Variants in TRIM37 observed in about 807,000 individuals in gnomAD.
The protein encoded by TRIM37 is E3 ubiquitin-protein ligase TRIM37.
In TRIM37, 80 loss-of-function variants were observed where a neutral mutation model predicts 129.8. The observed-to-expected ratio is 0.62, with a 90% CI of 0.51 to 0.74. The LOEUF is 0.74. TRIM37 is among the 30% of genes least tolerant of loss of function. The pLI, the probability that TRIM37 is intolerant of heterozygous loss-of-function variation, is 0.00. For synonymous variants in TRIM37, 389 were observed against 387.1 expected (o/e 1.00, Z -0.06); for missense variants, 1,054 against 1,176.5 (o/e 0.90, Z 1.52).
chr17:59,089,054 G>A (rs946253163), intron 3 of TRIM37, among the ~76,000 whole-genome samples: 1 of 152,078 alleles, frequency 6.6e-6, no homozygotes, highest in African/African-American at 2.4e-5. Flanking sequence ...TTGAGCCCAG[G>A]TGTTCGAGAC....
At chr17:59,087,763 G>A (rs1428929362) in intron 4 of TRIM37, among the ~76,000 whole-genome samples, 2 of 152,096 alleles carry the variant, frequency 1.3e-5, no homozygotes, top group Non-Finnish European at 2.9e-5. Context: ...CCTAATTCAA[G>A]TTATTTTATT....
chr17:59,079,900 T>G, intron 6 of TRIM37, 23 bp from the exon 7 acceptor site: 1 of 1,611,520 alleles, frequency 6.2e-7, no homozygotes, highest in South Asian at 1.1e-5. Flanking sequence ...GAGGTAAGAA[T>G]AATTTTAATT....
intron 2 of TRIM37, among the ~76,000 whole-genome samples, chr17:59,098,365 C>A (rs2045114055): frequency 6.6e-6 from 1 of 152,132 alleles, no homozygotes; most frequent in East Asian, 1.9e-4. Context: ...CTTAAAAATA[C>A]AGTTAAAATT....
At chr17:58,980,719 G>A, downstream of TRIM37, 1 of 1,614,168 alleles carries the variant, frequency 6.2e-7, no homozygotes, top group Non-Finnish European at 8.5e-7. This position sits in a 1 kb window ranked among gnomAD's most constrained non-coding sequence, Gnocchi z 4.7. Flanking sequence ...GTTCAGGGTT[G>A]GAAAATGAAC....
chr17:59,049,263 A>G lies in TRIM37; in HGVS notation c.1445T>C (p.Leu482Pro), dbSNP rs560939766. 6.2e-7 allele frequency: 1 copy of G among 1,614,166 alleles called. No individual in the cohort carries two copies. The highest frequency in any genetic ancestry group is 1.1e-5 in the South Asian group (1 of 91,086). Residue 482 changes from leucine (L) to proline (P), a missense_variant, in exon 15 of 24, where the codon CTC becomes CCC. Around this residue, in one of 3 missense-constraint regions of TRIM37, gnomAD observed 752 missense variants for 870.8 expected, o/e 0.86. Coordinates refer to ENST00000262294, the MANE Select transcript of TRIM37 (RefSeq NM_015294.6). ...AKKSACSDML[L>P]EGGPTTASVR... ...AGAAGCTGTAGTAGGACCACCTTCG[A>G]GAAGCATGTCAGAGCATGCAGACTT...
intron 21 of TRIM37, among the ~76,000 whole-genome samples, chr17:59,014,700 G>A (rs1750104167): frequency 6.7e-6 from 1 of 149,652 alleles, no homozygotes; most frequent in South Asian, 2.1e-4. Context: ...TCTTTGACAA[G>A]TGTAGGATAG....
chr17:58,980,426 C>T (rs779761727), downstream of TRIM37: 4 of 1,614,040 alleles, frequency 2.5e-6, no homozygotes, highest in Admixed American at 3.3e-5. The surrounding 1 kb of genome is among the most constrained non-coding windows in gnomAD (Gnocchi z 4.7). Context: ...TAGAACTAGC[C>T]TGAGCCCAGG....
the TRIM37 span, chr17:58,969,583 G>A: frequency 2.5e-6 from 4 of 1,614,014 alleles, no homozygotes; most frequent in Non-Finnish European, 3.4e-6. Flanking sequence ...ATGGCCATGG[G>A]GGAGTAGATG....
chr17:59,023,770 C>T (rs2036895882), intron 19 of TRIM37, among the ~76,000 whole-genome samples: 1 of 151,958 alleles, frequency 6.6e-6, no homozygotes, highest in East Asian at 1.9e-4. Flanking sequence ...TATAAAAATC[C>T]TACCACTGTT....
chr17:59,049,657 C>A (rs1246749439), intron 14 of TRIM37, among the ~76,000 whole-genome samples: 1 of 152,114 alleles, frequency 6.6e-6, no homozygotes, highest in African/African-American at 2.4e-5. Context: ...CCATGCTTGG[C>A]TAATTTCATT....
At chr17:59,032,616 T>G (rs2038013009) in intron 17 of TRIM37, among the ~76,000 whole-genome samples, 1 of 151,114 alleles carries the variant, frequency 6.6e-6, no homozygotes. Context: ...CATTAGTACT[T>G]AGAATTCAGA....
intron 18 of TRIM37, among the ~76,000 whole-genome samples, chr17:59,030,956 A>G (rs763422149): frequency 1.3e-5 from 2 of 152,246 alleles, no homozygotes; most frequent in African/African-American, 2.4e-5. Context: ...TATATAAAGC[A>G]TACTTGGCGC....
rs370881365 is a variant in TRIM37 at position 59,031,929 on chromosome 17, G to A, written c.1915C>T (p.Pro639Ser). The A allele has an allele frequency of 1.2e-6, 2 of 1,614,042 alleles. No individual in the cohort carries two copies. Among genetic ancestry groups the A allele is most frequent in the South Asian group, 2.2e-5 (2 of 91,068 alleles). Reference protein sequence around the residue: ...SSIENLWGLQPRPPASLLQPT... With the variant: ...SSIENLWGLQSRPPASLLQPT... ...TGCAGAAGTGAAGCAGGTGGGCGAGGCTGTAAGCCCCACAAATTTTCTATA... is the reference window on the plus strand; with the variant it reads ...TGCAGAAGTGAAGCAGGTGGGCGAGACTGTAAGCCCCACAAATTTTCTATA... The change falls in exon 18 of 24, where the codon CCT becomes TCT. Residue 639 changes from proline to serine, a missense_variant. Physicochemically the swap from Pro to Ser is moderately conservative, Grantham distance 74. Around this residue, in one of 3 missense-constraint regions of TRIM37, gnomAD observed 752 missense variants for 870.8 expected, o/e 0.86. Transcript: ENST00000262294.
intron 21 of TRIM37, among the ~76,000 whole-genome samples, 173 bp downstream of exon 21, chr17:59,015,437 T>TA (rs899425219): frequency 3.3e-4 from 50 of 149,428 alleles, no homozygotes; most frequent in African/African-American, 8.6e-4. Flanking sequence ...GAGGCTCTGT[T>TA]AAAAAAAATA....
chr17:59,068,632 G>A (rs913947367), intron 9 of TRIM37, among the ~76,000 whole-genome samples: 1 of 152,142 alleles, frequency 6.6e-6, no homozygotes, highest in African/African-American at 2.4e-5. Flanking sequence ...AATATTCAGT[G>A]CTGTCATTCA....
intron 22 of TRIM37, among the ~76,000 whole-genome samples, chr17:59,003,073 C>T (rs747974088): frequency 6.6e-6 from 1 of 152,100 alleles, no homozygotes; most frequent in Non-Finnish European, 1.5e-5. Context: ...CATGGGATTT[C>T]GCCATGTTGC....
intron 5 of TRIM37, among the ~76,000 whole-genome samples, chr17:59,081,943 A>C (rs1010497277): frequency 1.7e-5 from 2 of 115,370 alleles, no homozygotes; most frequent in African/African-American, 7.6e-5. Flanking sequence ...AAACCAAAAA[A>C]AAAAAAAAAT....
intron 2 of TRIM37, 110 bp from the exon 3 acceptor site, chr17:59,091,450 AAT>A (rs1321084546): frequency 5.2e-6 from 1 of 190,632 alleles, no homozygotes; most frequent in African/African-American, 2.6e-5. Flanking sequence ...TAATATATAT[AAT>A]ATATAAATAT....
At chr17:59,095,598 C>T (rs2044776203) in intron 2 of TRIM37, among the ~76,000 whole-genome samples, 1 of 152,210 alleles carries the variant, frequency 6.6e-6, no homozygotes, top group Admixed American at 6.5e-5. Context: ...TGCAAGGAAA[C>T]TAGGAGGCCG....
Sources: allele counts gnomAD v4.1 joint callset (sites outside exome capture counted in the v4.1 genomes callset), GRCh38; gene constraint gnomAD v4.1.1; regional missense constraint gnomAD v4.1.1; non-coding constraint Gnocchi (gnomAD v3.1); transcripts MANE v1.5; gene names NCBI Gene and HGNC (gene_info 2026-07-23, HGNC 2026-07-21).